HDAC9: variants seen among roughly 807,000 people sequenced by gnomAD.
The protein encoded by HDAC9 is MEF-2 interacting transcription repressor (MITR) protein.
A neutral mutation model predicts 139.4 loss-of-function variants in HDAC9; 41 were observed. The ratio of observed to expected loss-of-function variants is 0.29; its 90% CI spans 0.23 to 0.38. The LOEUF is 0.38. HDAC9 is among the 10% of genes least tolerant of loss of function. HDAC9 has a pLI of 1.00. For missense variants in HDAC9, 1,147 were observed against 1,297.0 expected, an observed-to-expected ratio of 0.88 and a Z score of 1.78; for synonymous variants, 517 against 476.2, an observed-to-expected ratio of 1.09 and a Z score of -1.12.
chr7:18,443,792 CTGTG>C (rs200897001), intron 1 of HDAC9, among the ~76,000 whole-genome samples: 1 of 151,086 alleles, frequency 6.6e-6, no homozygotes, highest in African/African-American at 2.4e-5. Flanking sequence ...CTCTCCCTCT[CTGTG>C]TGTGTGTGTA....
At chr7:18,963,085 T>TA (rs1783628438) in intron 24 of HDAC9, among the ~76,000 whole-genome samples, 1 of 152,178 alleles carries the variant, frequency 6.6e-6, no homozygotes, top group African/African-American at 2.4e-5. Flanking sequence ...TAAAATGTAA[T>TA]AGAGTTTGCA....
chr7:18,646,837 CTG>C (rs1458041857), intron 9 of HDAC9, among the ~76,000 whole-genome samples: 1 of 152,016 alleles, frequency 6.6e-6, no homozygotes, highest in Non-Finnish European at 1.5e-5. Flanking sequence ...TGCCTTATTA[CTG>C]TGTTATCATA....
chr7:18,400,355 G>A (rs953743550), intron 1 of HDAC9, among the ~76,000 whole-genome samples: 2 of 152,176 alleles, frequency 1.3e-5, no homozygotes, highest in African/African-American at 4.8e-5. Flanking sequence ...CTGTATCAAT[G>A]ATTTGGAGAG....
chr7:18,770,935 G>A (rs62446605), intron 16 of HDAC9, among the ~76,000 whole-genome samples: 27,289 of 152,104 alleles, frequency 0.18, 3,105 homozygotes, highest in East Asian at 0.6. Flanking sequence ...TTCATGCTCT[G>A]TTCCCTGGGG....
intron 13 of HDAC9, 137 bp downstream of exon 13, chr7:18,727,894 G>A (rs540884319): frequency 2.2e-5 from 13 of 589,310 alleles, no homozygotes; most frequent in Non-Finnish European, 3.5e-5. Flanking sequence ...ATTTTACGAG[G>A]TTATATTGGC....
intron 6 of HDAC9, among the ~76,000 whole-genome samples, chr7:18,617,203 C>G (rs186408391): frequency 6.6e-6 from 1 of 152,230 alleles, no homozygotes; most frequent in African/African-American, 2.4e-5. Flanking sequence ...CCTGTCCAGT[C>G]AATCCTTTGA....
In HDAC9 at chr7:18,180,226, T is replaced by TACACAC. The variant is rs67304424; in HGVS notation, c.25+17920_25+17925dup. Among the ~76,000 whole-genome samples, 1,126 of 120,688 alleles carry TACACAC rather than the reference T, an allele frequency of 9.3e-3. 6 individuals carry two copies. Among genetic ancestry groups the TACACAC allele is most frequent in the African/African-American group, 0.015 (413 of 28,212 alleles). 79.2% of individuals were successfully genotyped at this position (120,688 alleles called of 152,430 possible). A position where few individuals can be genotyped will look rare whatever the true frequency, so the allele number is the denominator to read the frequency against. ...TTGTGAGCACCCTCCCCAAGACACA[T>TACACAC]ACACACACACACACACACACACACA... On this transcript the variant is annotated intron_variant, in intron 2 of 12. Transcript: ENST00000417496.
intron 2 of HDAC9, among the ~76,000 whole-genome samples, chr7:18,276,843 T>G (rs763217797): frequency 5.3e-5 from 8 of 152,206 alleles, no homozygotes; most frequent in Non-Finnish European, 1.0e-4. Flanking sequence ...GGACAATATT[T>G]ACTAAATAAG....
intron 1 of HDAC9, among the ~76,000 whole-genome samples, chr7:18,134,827 T>G (rs1007000050): frequency 1.3e-5 from 2 of 152,192 alleles, no homozygotes; most frequent in Non-Finnish European, 2.9e-5. Flanking sequence ...TTTGAGGAAC[T>G]AAAAATAAAG....
intron 2 of HDAC9, among the ~76,000 whole-genome samples, chr7:18,240,214 C>T (rs921961633): frequency 1.3e-5 from 2 of 152,054 alleles, no homozygotes; most frequent in Admixed American, 6.5e-5. Context: ...CCATGGTATT[C>T]CTCATGATTC....
intron 2 of HDAC9, among the ~76,000 whole-genome samples, chr7:18,275,343 T>G (rs1390201871): frequency 2.0e-5 from 3 of 152,188 alleles, no homozygotes; most frequent in African/African-American, 7.2e-5. Flanking sequence ...CAAAATAGCT[T>G]CCTAATTGGC....
At chr7:18,210,089 C>G (rs1037450056) in intron 2 of HDAC9, among the ~76,000 whole-genome samples, 12 of 151,750 alleles carry the variant, frequency 7.9e-5, no homozygotes, top group African/African-American at 2.7e-4. Context: ...TTCTGTAAAC[C>G]TTTTGTCTGA....
intron 17 of HDAC9, among the ~76,000 whole-genome samples, chr7:18,807,605 A>G (rs556639909): frequency 9.5e-4 from 145 of 152,070 alleles, no homozygotes; most frequent in African/African-American, 3.3e-3. Flanking sequence ...CTTTTGCTGC[A>G]TCCCTTGTTT....
chr7:18,895,008 G>T (rs1440557225), intron 22 of HDAC9, among the ~76,000 whole-genome samples: 1 of 152,058 alleles, frequency 6.6e-6, no homozygotes, highest in South Asian at 2.1e-4. Flanking sequence ...TAATCACTGA[G>T]AATTCGAATG....
At chr7:18,470,904 G>A (rs1794674706) in intron 1 of HDAC9, among the ~76,000 whole-genome samples, 2 of 151,890 alleles carry the variant, frequency 1.3e-5, no homozygotes, top group Admixed American at 1.3e-4. Flanking sequence ...TTATACTCAA[G>A]TTTGTGAACT....
At chr7:18,280,148 C>G (rs302171) in intron 2 of HDAC9, among the ~76,000 whole-genome samples, 17,225 of 152,024 alleles carry the variant, frequency 0.11, 2,194 homozygotes, top group African/African-American at 0.32. Context: ...TATGTATAAT[C>G]AATATTTAAA....
intron 1 of HDAC9, among the ~76,000 whole-genome samples, chr7:18,350,041 A>G (rs999818470): frequency 1.3e-4 from 20 of 152,124 alleles, no homozygotes; most frequent in African/African-American, 4.8e-4. Flanking sequence ...TGCTAATTCA[A>G]TAGGTTTTCC....
chr7:18,334,050 G>A (rs1781408012), intron 1 of HDAC9, among the ~76,000 whole-genome samples: 1 of 151,216 alleles, frequency 6.6e-6, no homozygotes, highest in Non-Finnish European at 1.5e-5. Flanking sequence ...GGAAAAACTG[G>A]AGAAATATCA....
chr7:18,207,851 G>A (rs902442074), intron 2 of HDAC9, among the ~76,000 whole-genome samples: 1 of 151,712 alleles, frequency 6.6e-6, no homozygotes, highest in Non-Finnish European at 1.5e-5. Flanking sequence ...AGTAGCTGGG[G>A]TTACAGGCAT....
Sources: gnomAD v4.1 joint callset for allele counts (sites outside exome capture counted in the v4.1 genomes callset) on GRCh38, gnomAD v4.1.1 for gene constraint, MANE v1.5 for transcripts, NCBI Gene and HGNC (gene_info 2026-07-23, HGNC 2026-07-21) for gene names.